Variants in CACNA1C observed in about 807,000 individuals in gnomAD.
CACNA1C encodes calcium voltage-gated channel subunit alpha1 C.
A neutral mutation model predicts 229.0 loss-of-function variants in CACNA1C; 30 were observed. The observed-to-expected ratio is 0.13, with a 90% CI of 0.10 to 0.18. The LOEUF is 0.18. Among genes scored for constraint, CACNA1C ranks in the 10% least tolerant of loss-of-function variants. CACNA1C has a pLI of 1.00. For synonymous variants in CACNA1C, 1,114 were observed against 1,132.5 expected (o/e 0.98, Z 0.33); for missense variants, 1,658 against 2,845.0 (o/e 0.58, Z 9.49).
chr12:2,328,134 C>CGAGA (rs1567076658), intron 3 of CACNA1C, among the ~76,000 whole-genome samples: 2 of 152,222 alleles, frequency 1.3e-5, no homozygotes, highest in African/African-American at 4.8e-5. Flanking sequence ...CTTTTCTCCC[C>CGAGA]GTGCACTGAG....
At chr12:2,157,602 A>G (rs898166723) in intron 3 of CACNA1C, among the ~76,000 whole-genome samples, 17 of 152,226 alleles carry the variant, frequency 1.1e-4, no homozygotes, top group African/African-American at 3.9e-4. Flanking sequence ...GGGCCCTAAG[A>G]TCTAGCCAAC....
intron 3 of CACNA1C, among the ~76,000 whole-genome samples, chr12:2,172,123 C>CT (rs1177268294): frequency 1.3e-5 from 2 of 152,188 alleles, no homozygotes; most frequent in African/African-American, 4.8e-5. Flanking sequence ...GCTGCAGCAG[C>CT]TAGTGCCACC....
chr12:2,378,547 G>C (rs2098138499), intron 3 of CACNA1C, among the ~76,000 whole-genome samples: 1 of 152,208 alleles, frequency 6.6e-6, no homozygotes, highest in African/African-American at 2.4e-5. Flanking sequence ...CATCTACCCT[G>C]TGCGGGCAAG....
At chr12:2,004,099 C>T in intron 1 of CACNA1C, 1 of 805,818 alleles carries the variant, frequency 1.2e-6, no homozygotes, top group South Asian at 1.8e-5. Context: ...CTCCACAGAT[C>T]CGCCTTCCTT....
chr12:2,192,047 C>T, intron 3 of CACNA1C, among the ~76,000 whole-genome samples: 1 of 152,100 alleles, frequency 6.6e-6, no homozygotes, highest in South Asian at 2.1e-4. Context: ...CATACAGGCA[C>T]ACACATACAC....
At chr12:2,092,646 C>G (rs1179083153) in intron 1 of CACNA1C, among the ~76,000 whole-genome samples, 1 of 152,142 alleles carries the variant, frequency 6.6e-6, no homozygotes, top group East Asian at 1.9e-4. Flanking sequence ...GTCCTTGTGT[C>G]ATTCTTCATC....
At chr12:2,056,394 C>T (rs1451433848) in intron 1 of CACNA1C, among the ~76,000 whole-genome samples, 1 of 152,264 alleles carries the variant, frequency 6.6e-6, no homozygotes, top group East Asian at 1.9e-4. Context: ...TGCCAGCCTC[C>T]CACTTTTCTG....
At chr12:2,213,802 C>T (rs1335168750) in intron 3 of CACNA1C, among the ~76,000 whole-genome samples, 1 of 152,266 alleles carries the variant, frequency 6.6e-6, no homozygotes, top group African/African-American at 2.4e-5. Context: ...CCCAGCTTCT[C>T]CTCTCTTCAC....
intron 4 of CACNA1C, among the ~76,000 whole-genome samples, chr12:2,456,465 TG>T: frequency 6.6e-6 from 1 of 152,320 alleles, no homozygotes; most frequent in Middle Eastern, 3.4e-3. Flanking sequence ...CAGCACCCGG[TG>T]GGGTTCCCTA....
At chr12:2,169,043 C>T (rs1472401151) in intron 3 of CACNA1C, among the ~76,000 whole-genome samples, 3 of 152,162 alleles carry the variant, frequency 2.0e-5, no homozygotes, top group Non-Finnish European at 2.9e-5. Context: ...ATCCAAAGTC[C>T]AGCCGCTCGC....
At chr12:2,249,362 C>A (rs939842886) in intron 3 of CACNA1C, among the ~76,000 whole-genome samples, 1 of 152,200 alleles carries the variant, frequency 6.6e-6, no homozygotes, top group Non-Finnish European at 1.5e-5. Context: ...CCATTTATGT[C>A]TTGTCTGTGA....
chr12:2,017,143 T>C (rs994835079), intron 1 of CACNA1C, among the ~76,000 whole-genome samples: 2 of 152,130 alleles, frequency 1.3e-5, no homozygotes, highest in Non-Finnish European at 2.9e-5. Context: ...TTTAGAAAAT[T>C]GGAAAGGCTG....
intron 19 of CACNA1C, among the ~76,000 whole-genome samples, chr12:2,594,880 C>T (rs907912445): frequency 2.6e-5 from 4 of 152,194 alleles, no homozygotes; most frequent in African/African-American, 9.7e-5. Flanking sequence ...GGCTTTCCTG[C>T]CCCACCTCAA....
chr12:2,255,060 T>G (rs2154393980), intron 3 of CACNA1C, among the ~76,000 whole-genome samples: 1 of 152,296 alleles, frequency 6.6e-6, no homozygotes, highest in Non-Finnish European at 1.5e-5. Context: ...GCTGTGGCCC[T>G]GCAGATGCCA....
chr12:2,004,365 G>C (rs2042929060), intron 1 of CACNA1C: 2 of 1,613,016 alleles, frequency 1.2e-6, no homozygotes, highest in South Asian at 1.1e-5. Context: ...GGGTCGTGGC[G>C]CTGCAGGGCC....
At chr12:2,066,742 G>A (rs901434966) in intron 1 of CACNA1C, among the ~76,000 whole-genome samples, 6 of 152,268 alleles carry the variant, frequency 3.9e-5, no homozygotes, top group South Asian at 2.1e-4. Context: ...AGGCAGTGGC[G>A]TTGGGGATGG....
intron 3 of CACNA1C, among the ~76,000 whole-genome samples, chr12:2,224,520 G>A (rs561378360): frequency 6.6e-6 from 1 of 152,316 alleles, no homozygotes; most frequent in South Asian, 2.1e-4. Flanking sequence ...ACCCCTTGTG[G>A]TGATAGCCAG....
In CACNA1C at chr12:2,287,468, C is replaced by A. The variant is rs188291726; in HGVS notation, c.478-161508C>A. Reference sequence around the variant, plus strand: ...GGTTGGGTCAGTGGAGATCAGGGCCCGAAGAGCAGTTTCAGCCTGCGTGGT... The same window carrying A: ...GGTTGGGTCAGTGGAGATCAGGGCCAGAAGAGCAGTTTCAGCCTGCGTGGT... On this transcript the variant is annotated intron_variant, in intron 3 of 46. Coordinates refer to ENST00000399655, the MANE Select transcript of CACNA1C (RefSeq NM_000719.7). This position sits in a 1 kb window ranked among gnomAD's most constrained non-coding sequence, Gnocchi z 4.6. Among the ~76,000 whole-genome samples, 1 of 152,102 alleles carries A rather than the reference C, an allele frequency of 6.6e-6. No individual in the cohort carries two copies. The highest frequency in any genetic ancestry group is 1.9e-4 in the East Asian group (1 of 5,188).
At chr12:2,261,356 A>G (rs1389593889) in intron 3 of CACNA1C, among the ~76,000 whole-genome samples, 1 of 152,238 alleles carries the variant, frequency 6.6e-6, no homozygotes, top group Non-Finnish European at 1.5e-5. Flanking sequence ...TTACATTTGT[A>G]TAGATTAGTG....
Sources: allele counts gnomAD v4.1 joint callset (sites outside exome capture counted in the v4.1 genomes callset), GRCh38; gene constraint gnomAD v4.1.1; non-coding constraint Gnocchi (gnomAD v3.1); transcripts MANE v1.5; gene names NCBI Gene and HGNC (gene_info 2026-07-23, HGNC 2026-07-21).